TENM2: variants seen among roughly 807,000 people sequenced by gnomAD.
TENM2 encodes the protein teneurin transmembrane protein 2.
Under a neutral mutation model 245.2 loss-of-function variants are expected in TENM2, and 52 were observed. That is an observed-to-expected ratio of 0.21 (90% CI 0.17 to 0.27). The LOEUF (loss-of-function observed/expected upper bound fraction) is 0.27, where lower values mean the gene tolerates loss of function less well. TENM2 is among the 10% of genes least tolerant of loss of function. The pLI is 1.00. For synonymous variants in TENM2, 1,363 were observed against 1,438.9 expected (o/e 0.95, Z 1.19); for missense variants, 3,046 against 3,666.8 (o/e 0.83, Z 4.37).
At chr5:167,454,907 G>C (rs1421041565) in intron 2 of TENM2, among the ~76,000 whole-genome samples, 1 of 152,174 alleles carries the variant, frequency 6.6e-6, no homozygotes, top group Non-Finnish European at 1.5e-5. Context: ...AAATGATGTT[G>C]ACTAAACCAG....
chr5:168,222,906 A>G (rs921152155), intron 23 of TENM2, among the ~76,000 whole-genome samples: 1 of 152,242 alleles, frequency 6.6e-6, no homozygotes, highest in African/African-American at 2.4e-5. Flanking sequence ...TGTTTGGCAC[A>G]TCACAGGTGC....
At chr5:167,501,720 C>T (rs1043210157) in intron 2 of TENM2, among the ~76,000 whole-genome samples, 2 of 152,022 alleles carry the variant, frequency 1.3e-5, no homozygotes, top group Admixed American at 1.3e-4. Flanking sequence ...TCAATTGGTC[C>T]CTGAATCTTT....
At chr5:167,107,521 A>G in the TENM2 span, among the ~76,000 whole-genome samples, 1 of 152,220 alleles carries the variant, frequency 6.6e-6, no homozygotes, top group Non-Finnish European at 1.5e-5. Flanking sequence ...ATATATAGAT[A>G]AAATGGCTTT....
intron 2 of TENM2, among the ~76,000 whole-genome samples, chr5:167,671,196 G>A (rs1238150485): frequency 6.6e-6 from 1 of 152,108 alleles, no homozygotes; most frequent in Non-Finnish European, 1.5e-5. Flanking sequence ...AGTGCTTTAT[G>A]AGGATAATGT....
the TENM2 span, among the ~76,000 whole-genome samples, chr5:167,045,987 G>A: frequency 6.6e-6 from 1 of 152,216 alleles, no homozygotes. Context: ...TAGAGAGATA[G>A]ATCAATTGCC....
the TENM2 span, among the ~76,000 whole-genome samples, chr5:167,071,419 G>A: frequency 6.6e-6 from 1 of 152,080 alleles, no homozygotes; most frequent in Non-Finnish European, 1.5e-5. Context: ...TTTCTAAGGA[G>A]GGAATCAAAG....
At chr5:167,482,074 A>C (rs1469923453) in intron 2 of TENM2, among the ~76,000 whole-genome samples, 2 of 152,198 alleles carry the variant, frequency 1.3e-5, no homozygotes, top group Admixed American at 6.5e-5. Flanking sequence ...TCTTTCAAAA[A>C]TGTAATTTTC....
At chr5:167,612,432 GA>G (rs762909613) in intron 2 of TENM2, among the ~76,000 whole-genome samples, 9 of 151,752 alleles carry the variant, frequency 5.9e-5, no homozygotes, top group Non-Finnish European at 8.8e-5. Flanking sequence ...CATACTGCAT[GA>G]TTTTTTTAAA....
chr5:167,832,225 G>A (rs980699306), intron 2 of TENM2, among the ~76,000 whole-genome samples: 3 of 152,192 alleles, frequency 2.0e-5, no homozygotes, highest in East Asian at 1.9e-4. Context: ...AAAGATTTAC[G>A]GCACTGCGTG....
intron 4 of TENM2, among the ~76,000 whole-genome samples, chr5:167,954,676 C>G (rs1352717093): frequency 6.6e-6 from 1 of 152,120 alleles, no homozygotes; most frequent in East Asian, 1.9e-4. Context: ...TCCATGTGTT[C>G]TTATTGTTCA....
At chr5:167,965,756 T>G (rs1296878489) in intron 4 of TENM2, among the ~76,000 whole-genome samples, 2 of 152,212 alleles carry the variant, frequency 1.3e-5, no homozygotes, top group East Asian at 3.8e-4. Flanking sequence ...TTACTATCCA[T>G]ATTTAAAATA....
chr5:167,763,803 G>A (rs1204309431), intron 2 of TENM2, among the ~76,000 whole-genome samples: 2 of 151,932 alleles, frequency 1.3e-5, no homozygotes, highest in East Asian at 1.9e-4. Flanking sequence ...GCTTTCCTCC[G>A]GCTCTCCAAC....
intron 2 of TENM2, among the ~76,000 whole-genome samples, chr5:167,509,989 A>C (rs944223022): frequency 1.3e-5 from 2 of 152,186 alleles, no homozygotes; most frequent in Non-Finnish European, 2.9e-5. Context: ...TGTAGCTATC[A>C]TCTTATGTGG....
intron 1 of TENM2, among the ~76,000 whole-genome samples, chr5:167,297,275 T>G (rs1288880858): frequency 6.6e-6 from 1 of 152,164 alleles, no homozygotes; most frequent in East Asian, 1.9e-4. Flanking sequence ...CCGAAGCTCA[T>G]TATGTAGTGT....
At chr5:167,264,967 G>A in the TENM2 span, among the ~76,000 whole-genome samples, 1 of 152,076 alleles carries the variant, frequency 6.6e-6, no homozygotes, top group Non-Finnish European at 1.5e-5. Context: ...CAGCTCTTAT[G>A]TGAGTCAAAT....
At chr5:167,946,421 A>G (rs1463719844) in intron 3 of TENM2, among the ~76,000 whole-genome samples, 2 of 152,192 alleles carry the variant, frequency 1.3e-5, no homozygotes, top group South Asian at 2.1e-4. Flanking sequence ...GAAGGCATAG[A>G]AAGAGATTGC....
chr5:167,685,060 A>G (rs1212275306), intron 2 of TENM2, among the ~76,000 whole-genome samples: 2 of 152,214 alleles, frequency 1.3e-5, no homozygotes, highest in Non-Finnish European at 2.9e-5. Flanking sequence ...TGAGGACCTC[A>G]TGTGGAATTG....
intron 3 of TENM2, among the ~76,000 whole-genome samples, chr5:167,880,944 T>G (rs1042569302): frequency 6.6e-6 from 1 of 152,196 alleles, no homozygotes; most frequent in Non-Finnish European, 1.5e-5. Context: ...GAAAAGCAGA[T>G]GTTCTGTGTT....
chr5:167,799,435 A>C (rs1765547902), intron 2 of TENM2, among the ~76,000 whole-genome samples: 1 of 152,152 alleles, frequency 6.6e-6, no homozygotes, highest in African/African-American at 2.4e-5. Flanking sequence ...TATGGCAGAT[A>C]CTTTTACTTT....
Sources: allele counts gnomAD v4.1 joint callset (sites outside exome capture counted in the v4.1 genomes callset), GRCh38; gene constraint gnomAD v4.1.1; transcripts MANE v1.5; gene names NCBI Gene and HGNC (gene_info 2026-07-23, HGNC 2026-07-21).